DIAPH2: variants seen among roughly 807,000 people sequenced by gnomAD.
DIAPH2 encodes diaphanous related formin 2.
A neutral mutation model predicts 92.7 loss-of-function variants in DIAPH2; 35 were observed. That is an observed-to-expected ratio of 0.38 (90% CI 0.29 to 0.50). DIAPH2 has a LOEUF of 0.50. Among genes scored for constraint, DIAPH2 ranks in the 20% least tolerant of loss-of-function variants. The pLI, the probability that DIAPH2 is intolerant of heterozygous loss-of-function variation, is 0.94. For missense variants in DIAPH2, 701 were observed against 819.5 expected (o/e 0.86, Z 1.77); for synonymous variants, 301 against 280.4 (o/e 1.07, Z -0.73).
At chrX:97,102,126 T>C (rs2066909836) in intron 20 of DIAPH2, among the ~76,000 whole-genome samples, 1 of 112,550 alleles carries the variant, frequency 8.9e-6, no homozygotes, top group Non-Finnish European at 1.9e-5. Flanking sequence ...TCTGACTGTC[T>C]TGCTTTCTTC....
chrX:97,515,639 G>T (rs1474399662), intron 26 of DIAPH2, among the ~76,000 whole-genome samples: 1 of 109,137 alleles, frequency 9.2e-6, no homozygotes, highest in African/African-American at 3.3e-5. Context: ...ATAAAGTGTG[G>T]GGGACTTAAC....
At chrX:97,221,557 T>TGCG in intron 22 of DIAPH2, among the ~76,000 whole-genome samples, 1 of 112,006 alleles carries the variant, frequency 8.9e-6, no homozygotes, top group African/African-American at 3.2e-5. Context: ...TTAAAAATAC[T>TGCG]ATTTGCACAA....
At chrX:97,074,065 C>T (rs1034316617) in intron 18 of DIAPH2, among the ~76,000 whole-genome samples, 2 of 111,466 alleles carry the variant, frequency 1.8e-5, no homozygotes, top group African/African-American at 6.5e-5. Context: ...TGGCTGAAGG[C>T]ATATAGACCT....
At chrX:96,851,762 C>A (rs2147713186) in intron 4 of DIAPH2, among the ~76,000 whole-genome samples, 1 of 111,778 alleles carries the variant, frequency 8.9e-6, no homozygotes, top group African/African-American at 3.2e-5. Context: ...TTTTTACTGA[C>A]AAAAGTTTAA....
chrX:97,285,489 G>A (rs747651911), intron 23 of DIAPH2, among the ~76,000 whole-genome samples: 2 of 108,285 alleles, frequency 1.8e-5, no homozygotes, highest in South Asian at 4.0e-4. Context: ...ACATCAATAT[G>A]TCAGGATGGA....
intron 17 of DIAPH2, among the ~76,000 whole-genome samples, chrX:97,032,405 A>G (rs1189412787): frequency 2.7e-5 from 3 of 111,520 alleles, no homozygotes; most frequent in African/African-American, 6.5e-5. Context: ...TACATTACTC[A>G]AATTACTAAA....
intron 12 of DIAPH2, among the ~76,000 whole-genome samples, 168 bp downstream of exon 12, chrX:96,939,550 A>ATG (rs2065684293): frequency 5.5e-5 from 4 of 72,658 alleles, no homozygotes; most frequent in Admixed American, 1.5e-4. Flanking sequence ...ATGTATGTAT[A>ATG]TATGTATATA....
chrX:97,273,635 C>T (rs369509840), intron 23 of DIAPH2, among the ~76,000 whole-genome samples: 4 of 111,695 alleles, frequency 3.6e-5, no homozygotes, highest in Non-Finnish European at 5.6e-5. Context: ...ATACATTTAC[C>T]GTCAACTAAA....
chrX:97,411,559 G>A (rs1462134425), intron 25 of DIAPH2, among the ~76,000 whole-genome samples: 5 of 111,620 alleles, frequency 4.5e-5, no homozygotes, highest in African/African-American at 1.6e-4. Flanking sequence ...ACAATATTAA[G>A]CTTAAATGCA....
At chrX:97,323,205 CCCT>C (rs1340068239) in intron 23 of DIAPH2, among the ~76,000 whole-genome samples, 2 of 106,267 alleles carry the variant, frequency 1.9e-5, no homozygotes, top group Non-Finnish European at 3.9e-5. Context: ...CGCACCCAGC[CCCT>C]GAGCTTACTT....
At chrX:97,025,089 G>A (rs958995616) in intron 17 of DIAPH2, among the ~76,000 whole-genome samples, 2 of 112,265 alleles carry the variant, frequency 1.8e-5, no homozygotes, top group Non-Finnish European at 3.8e-5. Context: ...GGTGGCTCAC[G>A]CCTGTAATCC....
chrX:97,395,515 G>A (rs2069696682), intron 25 of DIAPH2, among the ~76,000 whole-genome samples: 1 of 111,838 alleles, frequency 8.9e-6, no homozygotes, highest in South Asian at 3.7e-4. Context: ...CACTAGCATT[G>A]GAGCATGTGC....
At chrX:96,946,591 GTTTGTGTGGAGCTGTCA>G (rs1367492769) in intron 14 of DIAPH2, among the ~76,000 whole-genome samples, 2 of 112,009 alleles carry the variant, frequency 1.8e-5, no homozygotes, top group Non-Finnish European at 3.8e-5. Context: ...AGCATAAAAT[GTTTGTGTGGAGCTGTCA>G]TTTTTATTGG....
At chrX:97,148,197 A>G (rs1569313089) in intron 22 of DIAPH2, among the ~76,000 whole-genome samples, 1 of 111,644 alleles carries the variant, frequency 9.0e-6, no homozygotes, top group Non-Finnish European at 1.9e-5. Context: ...GTCCATGTAC[A>G]TTTGGAGACC....
chrX:97,109,256 CA>C (rs2066963128), intron 20 of DIAPH2, among the ~76,000 whole-genome samples: 1 of 109,965 alleles, frequency 9.1e-6, no homozygotes, highest in Admixed American at 9.9e-5. Flanking sequence ...CCCATCTCTG[CA>C]AAAAAATACA....
intron 24 of DIAPH2, among the ~76,000 whole-genome samples, chrX:97,370,414 C>G (rs2069436291): frequency 1.8e-5 from 2 of 111,543 alleles, no homozygotes; most frequent in East Asian, 5.6e-4. Context: ...AGCATGCAGA[C>G]AAGAACATAC....
intron 1 of DIAPH2, among the ~76,000 whole-genome samples, chrX:96,721,336 T>C (rs1229956856): frequency 1.8e-5 from 2 of 112,285 alleles, no homozygotes; most frequent in African/African-American, 6.5e-5. Flanking sequence ...ATTTATTTCA[T>C]GTCATTGTCC....
chrX:96,895,153 G>A (rs893328406), intron 5 of DIAPH2, among the ~76,000 whole-genome samples: 3 of 109,453 alleles, frequency 2.7e-5, no homozygotes, highest in Non-Finnish European at 5.7e-5. Flanking sequence ...ACTGGCGTGC[G>A]CCACCACACC....
intron 17 of DIAPH2, among the ~76,000 whole-genome samples, chrX:96,970,477 T>G (rs1377843633): frequency 9.0e-6 from 1 of 111,287 alleles, no homozygotes; most frequent in African/African-American, 3.3e-5. Context: ...TGGGAGGTTG[T>G]GTGTTTCCAG....
Sources: allele counts gnomAD v4.1 joint callset (sites outside exome capture counted in the v4.1 genomes callset), GRCh38; gene constraint gnomAD v4.1.1; transcripts MANE v1.5; gene names NCBI Gene and HGNC (gene_info 2026-07-23, HGNC 2026-07-21).